The following HTRA1 variants were observed in gnomAD, a reference collection of about 807,000 sequenced individuals.
The protein encoded by HTRA1 is HtrA serine peptidase 1, also known as serine protease HTRA1.
Under a neutral mutation model 49.7 loss-of-function variants are expected in HTRA1, and 26 were observed. The observed-to-expected ratio is 0.52, with a 90% CI of 0.38 to 0.73. HTRA1 has a LOEUF of 0.73. Ranked by LOEUF, HTRA1 falls within the 30% of genes least tolerant of loss-of-function variation. The pLI is 0.00. For synonymous variants in HTRA1, 291 were observed against 286.9 expected (o/e 1.01, Z -0.14); for missense variants, 561 against 667.2 (o/e 0.84, Z 1.75).
intron 1 of HTRA1, among the ~76,000 whole-genome samples, chr10:122,466,327 A>G (rs924387524): frequency 6.6e-6 from 1 of 152,036 alleles, no homozygotes; most frequent in Non-Finnish European, 1.5e-5. Flanking sequence ...CACCACGCCC[A>G]GCTAATTTTT....
intron 1 of HTRA1, among the ~76,000 whole-genome samples, chr10:122,465,510 G>A (rs767905835): frequency 1.3e-5 from 2 of 152,208 alleles, no homozygotes; most frequent in African/African-American, 4.8e-5. Flanking sequence ...TGGATGGAGA[G>A]CCTCGTTCAT....
At chr10:122,473,113 A>G (rs74790728) in intron 1 of HTRA1, among the ~76,000 whole-genome samples, 2 of 152,322 alleles carry the variant, frequency 1.3e-5, no homozygotes, top group East Asian at 1.9e-4. Context: ...TCTCAGGTTG[A>G]TGGCTCTTAG....
At chr10:122,511,535 C>A (rs1438876372) in intron 7 of HTRA1, among the ~76,000 whole-genome samples, 2 of 152,016 alleles carry the variant, frequency 1.3e-5, no homozygotes, top group Non-Finnish European at 2.9e-5. Flanking sequence ...GAGTTCGAGA[C>A]CAGCCTGGCC....
At chr10:122,463,122 G>A (rs546115182) in intron 1 of HTRA1, among the ~76,000 whole-genome samples, 61 of 152,392 alleles carry the variant, frequency 4.0e-4, no homozygotes, top group African/African-American at 1.2e-3. Flanking sequence ...GGACCCCAGT[G>A]CTGCCTCCTC....
At chr10:122,508,040 C>T (rs1043013499) in intron 5 of HTRA1, among the ~76,000 whole-genome samples, 2 of 134,056 alleles carry the variant, frequency 1.5e-5, no homozygotes, top group Non-Finnish European at 3.3e-5. Flanking sequence ...CTGTCTTTAG[C>T]AAGGCCCAGT....
intron 1 of HTRA1, among the ~76,000 whole-genome samples, chr10:122,482,809 T>C (rs1565418251): frequency 6.7e-6 from 1 of 149,218 alleles, no homozygotes; most frequent in East Asian, 2.0e-4. Context: ...TCCCAGCTAC[T>C]CAGGAGGCTG....
At chr10:122,493,557 TAA>T (rs2097496943) in intron 3 of HTRA1, among the ~76,000 whole-genome samples, 1 of 151,844 alleles carries the variant, frequency 6.6e-6, no homozygotes, top group Non-Finnish European at 1.5e-5. Context: ...GAGAGAAAAG[TAA>T]AAAGAGAGCA....
chr10:122,471,848 G>A (rs1194458186), intron 1 of HTRA1, among the ~76,000 whole-genome samples: 3 of 152,178 alleles, frequency 2.0e-5, no homozygotes, highest in East Asian at 3.9e-4. Context: ...TGGTTTTCCT[G>A]TAAGGCTGGA....
At chr10:122,484,583 T>G (rs2097492334) in intron 1 of HTRA1, among the ~76,000 whole-genome samples, 1 of 152,220 alleles carries the variant, frequency 6.6e-6, no homozygotes, top group African/African-American at 2.4e-5. Context: ...TGGCCAGTCC[T>G]TTGGATTTTC....
At chr10:122,499,063 T>C (rs1315203969) in intron 3 of HTRA1, among the ~76,000 whole-genome samples, 1 of 152,170 alleles carries the variant, frequency 6.6e-6, no homozygotes, top group Non-Finnish European at 1.5e-5. Flanking sequence ...GATGATACCG[T>C]GGTTGTTCTG....
At chr10:122,481,269 C>T (rs2284666) in intron 1 of HTRA1, among the ~76,000 whole-genome samples, 29,593 of 152,036 alleles carry the variant, frequency 0.19, 3,225 homozygotes, top group South Asian at 0.43. Context: ...AGCAATTTAA[C>T]TAGACACAGA....
chr10:122,501,934 A>G (rs1159135981), intron 3 of HTRA1, among the ~76,000 whole-genome samples: 1 of 134,112 alleles, frequency 7.5e-6, no homozygotes, highest in Non-Finnish European at 1.6e-5. Context: ...CCTTGGACAG[A>G]TATCTACTCT....
Position 122,494,482 on chromosome 10 carries a change from C to A in HTRA1, c.777+4856C>A, listed in dbSNP as rs2097497594. ...GAGTTTGATGGACACGTGGTCCTGT[C>A]AGGGCTACAGCAGGTCTATGGTCTT... On this transcript the variant is annotated intron_variant, in intron 3 of 8. Coordinates refer to ENST00000368984, the MANE Select transcript of HTRA1 (RefSeq NM_002775.5). This position sits in a 1 kb window ranked among gnomAD's most constrained non-coding sequence, Gnocchi z 4.0. Among the ~76,000 whole-genome samples, 1 of 152,218 alleles carries A rather than the reference C, an allele frequency of 6.6e-6. No homozygotes were observed. Among genetic ancestry groups the A allele is most frequent in the Non-Finnish European group, 1.5e-5 (1 of 68,038 alleles).
At chr10:122,472,532 A>G (rs2097486618) in intron 1 of HTRA1, among the ~76,000 whole-genome samples, 1 of 151,928 alleles carries the variant, frequency 6.6e-6, no homozygotes, top group South Asian at 2.1e-4. Context: ...AGTAGCTGGG[A>G]TTACAGGCCT....
chr10:122,510,570 G>A (rs778978717), intron 7 of HTRA1, among the ~76,000 whole-genome samples: 13 of 152,276 alleles, frequency 8.5e-5, no homozygotes, highest in South Asian at 2.1e-4. Context: ...TCTGCAGCTC[G>A]TGGGCCGCGG....
chr10:122,510,517 C>A (rs2097505111), intron 7 of HTRA1, among the ~76,000 whole-genome samples: 1 of 152,200 alleles, frequency 6.6e-6, no homozygotes, highest in African/African-American at 2.4e-5. Flanking sequence ...TCCAGGAGGG[C>A]CCCAAGCCCC....
intron 3 of HTRA1, among the ~76,000 whole-genome samples, chr10:122,500,139 G>A (rs2097500300): frequency 6.6e-6 from 1 of 152,162 alleles, no homozygotes; most frequent in East Asian, 1.9e-4. Context: ...GCAGAACCCT[G>A]AATGGAAGGA....
In HTRA1 at chr10:122,511,758, AT is replaced by A. The variant is rs200708350; in HGVS notation, c.1179-211del. ...AAAAAAAAAAAAATAAATAAAAAAA[AT>A]AAATAAATAATAAAGCACTTTCCTT... On this transcript the variant is annotated intron_variant, in intron 7 of 8. Transcript: ENST00000368984. 0.045 allele frequency among the ~76,000 whole-genome samples: 6,805 copies of A among 150,792 alleles called. 223 individuals carry two copies. The highest frequency in any genetic ancestry group is 0.064 in the Non-Finnish European group (4,333 of 67,384).
intron 3 of HTRA1, among the ~76,000 whole-genome samples, chr10:122,502,927 C>G (rs1042223936): frequency 1.3e-5 from 2 of 152,214 alleles, no homozygotes; most frequent in African/African-American, 2.4e-5. Flanking sequence ...GTGGGACTCG[C>G]GTGCCCTCTT....
Sources: allele counts gnomAD v4.1 joint callset (sites outside exome capture counted in the v4.1 genomes callset), GRCh38; gene constraint gnomAD v4.1.1; non-coding constraint Gnocchi (gnomAD v3.1); transcripts MANE v1.5; gene names NCBI Gene and HGNC (gene_info 2026-07-23, HGNC 2026-07-21).